Variants in KIAA1671 observed in about 807,000 individuals in gnomAD.
KIAA1671 encodes KIAA1671, also known as uncharacterized protein KIAA1671.
KIAA1671 carries 52 observed loss-of-function variants against 131.2 expected under a neutral mutation model. The ratio of observed to expected loss-of-function variants is 0.40; its 90% confidence interval spans 0.32 to 0.50. KIAA1671 has a LOEUF of 0.50. KIAA1671 is among the 20% of genes least tolerant of loss of function. The pLI, the probability that KIAA1671 is intolerant of heterozygous loss-of-function variation, is 0.73. For synonymous variants in KIAA1671, 1,003 were observed against 961.6 expected, an observed-to-expected ratio of 1.04 and a Z score of -0.80; for missense variants, 2,360 against 2,364.2, an observed-to-expected ratio of 1.00 and a Z score of 0.04.
At chr22:25,125,068 G>A (rs1331120436) in intron 6 of KIAA1671, among the ~76,000 whole-genome samples, 1 of 152,150 alleles carries the variant, frequency 6.6e-6, no homozygotes, top group African/African-American at 2.4e-5. Flanking sequence ...TGTTGGTTTC[G>A]TATTCATGCA....
intron 1 of KIAA1671, among the ~76,000 whole-genome samples, chr22:24,982,076 C>T (rs539712929): frequency 6.6e-6 from 1 of 152,356 alleles, no homozygotes; most frequent in Admixed American, 6.5e-5. Context: ...CCCCCAAGCT[C>T]TGTCATCCAC....
intron 6 of KIAA1671, among the ~76,000 whole-genome samples, chr22:25,141,453 C>T (rs1932806238): frequency 6.6e-6 from 1 of 152,260 alleles, no homozygotes; most frequent in East Asian, 1.9e-4. Context: ...AGGATGGTCT[C>T]AATCTCCTGA....
At chr22:24,995,181 G>T (rs1924054805) in intron 1 of KIAA1671, among the ~76,000 whole-genome samples, 2 of 151,254 alleles carry the variant, frequency 1.3e-5, no homozygotes, top group Admixed American at 6.6e-5. Context: ...CTCCTGAGTA[G>T]CTGGGACTAC....
At chr22:25,178,980 G>GT (rs1194028739) in intron 9 of KIAA1671, among the ~76,000 whole-genome samples, 5 of 152,226 alleles carry the variant, frequency 3.3e-5, no homozygotes, top group Non-Finnish European at 5.9e-5. Flanking sequence ...ACAGCCCAGC[G>GT]TAAGGACCCG....
chr22:25,156,012 CTTTTTTTTTTTTT>C lies in KIAA1671; in HGVS notation c.4531-14793_4531-14781del, dbSNP rs57822676. On this transcript the variant is annotated intron_variant, in intron 6 of 12. Coordinates refer to ENST00000358431, the MANE Select transcript of KIAA1671 (RefSeq NM_001145206.2). ...TTTTGTGCATGTATGTGTGTATGTG[CTTTTTTTTTTTTT>C]TTTTTTTTTTTTTTGAGATGGAGTC... 4.0e-4 allele frequency among the ~76,000 whole-genome samples: 14 copies of C among 35,344 alleles called. 2 individuals carry two copies. The highest frequency in any genetic ancestry group is 3.2e-3 in the South Asian group (2 of 624). 23.2% of individuals were successfully genotyped at this position (35,344 alleles called of 152,430 possible). A position where few individuals can be genotyped will look rare whatever the true frequency, so the allele number is the denominator to read the frequency against.
intron 3 of KIAA1671, 64 bp from the exon 4 acceptor site, chr22:25,032,545 G>A: frequency 9.8e-7 from 1 of 1,018,132 alleles, no homozygotes; most frequent in South Asian, 1.5e-5. Context: ...TCCTGAGCTG[G>A]TGTGTGGGCT....
intron 6 of KIAA1671, chr22:25,051,483 A>G (rs1216946479): frequency 6.6e-6 from 1 of 152,274 alleles, no homozygotes; most frequent in African/African-American, 2.4e-5. Context: ...CACCCAGCAC[A>G]TAGTAAATTC....
At chr22:25,181,615 G>T (rs1039368781) in intron 9 of KIAA1671, 84 bp from the exon 10 acceptor site, 27 of 1,504,206 alleles carry the variant, frequency 1.8e-5, no homozygotes, top group Non-Finnish European at 2.3e-5. Context: ...CATTGCATGA[G>T]ATACTGTGTG....
chr22:25,168,024 T>C (rs1933703325), intron 6 of KIAA1671, among the ~76,000 whole-genome samples: 1 of 152,134 alleles, frequency 6.6e-6, no homozygotes, highest in Non-Finnish European at 1.5e-5. Context: ...CACAGCAGGC[T>C]TTTCCCCAGG....
intron 6 of KIAA1671, among the ~76,000 whole-genome samples, chr22:25,158,648 C>T (rs1264379496): frequency 1.3e-5 from 2 of 152,052 alleles, no homozygotes; most frequent in South Asian, 2.1e-4. Flanking sequence ...CTGCAGTGGG[C>T]GTTGGTAGAG....
At chr22:25,125,583 G>A (rs764424704) in intron 6 of KIAA1671, among the ~76,000 whole-genome samples, 3 of 152,098 alleles carry the variant, frequency 2.0e-5, no homozygotes, top group African/African-American at 7.2e-5. Flanking sequence ...ATTGACGTTC[G>A]GGGCTGGATA....
In KIAA1671 at chr22:25,029,324, G is replaced by A; in HGVS notation, c.1325G>A (p.Ser442Asn). ...AGGAGGAGTGTCAGGAAGTGCATCA[G>A]CCTGTTTCGGGAGGACAGCACCTTG... ...ASRRSVRKCI[S>N]LFREDSTLAL... The change falls in exon 3 of 13, where the codon AGC becomes AAC. Residue 442 changes from serine (S) to asparagine (N), a missense_variant. Around this residue, in one of 3 missense-constraint regions of KIAA1671, gnomAD observed 1,185 missense variants for 1,126.2 expected, o/e 1.05. Transcript: ENST00000358431. 3 of 1,545,162 alleles carry A rather than the reference G, an allele frequency of 1.9e-6. No homozygotes were observed. The highest frequency in any genetic ancestry group is 2.6e-6 in the Non-Finnish European group (3 of 1,143,318).
Position 25,101,793 on chromosome 22 carries a change from T to G in KIAA1671, c.4530+52429T>G, listed in dbSNP as rs183369195. 5.9e-5 allele frequency among the ~76,000 whole-genome samples: 9 copies of G among 152,280 alleles called. No individual in the cohort carries two copies. The East Asian group carries it at 1.7e-3, about 29-fold the overall frequency. The stretch of plus-strand genomic sequence containing the variant: ...CACAGTGGGTACGATGAGAGCCTCT[T>G]CAGGATGTTGAGTGTCAAGGGTGGA... On this transcript the variant is annotated intron_variant, in intron 6 of 12. Coordinates refer to ENST00000358431, the MANE Select transcript of KIAA1671 (RefSeq NM_001145206.2).
intron 6 of KIAA1671, among the ~76,000 whole-genome samples, chr22:25,098,632 G>A (rs1406772107): frequency 2.9e-5 from 4 of 139,460 alleles, no homozygotes; most frequent in East Asian, 2.0e-4. Context: ...TGGAGGGGGC[G>A]GGGGGGGGTT....
chr22:25,076,837 T>C (rs1929132797), intron 6 of KIAA1671, among the ~76,000 whole-genome samples: 1 of 152,214 alleles, frequency 6.6e-6, no homozygotes, highest in Non-Finnish European at 1.5e-5. Flanking sequence ...GAGCCTGTAC[T>C]AAACGCCTTT....
At position 25,160,586 on chromosome 22, in the gene KIAA1671, C is replaced by A. The variant is rs955519694; in HGVS notation, c.4531-10234C>A. ...CTTGCACCAACCCCAGAGATGACCG[C>A]AAGGCCTTCCTGCCCCACTGAGTAG... On this transcript the variant is annotated intron_variant, in intron 6 of 12. Transcript: ENST00000358431. 4.6e-5 allele frequency among the ~76,000 whole-genome samples: 7 copies of A among 152,174 alleles called. No individual in the cohort carries two copies. In the East Asian group the frequency reaches 7.7e-4, roughly 17 times the overall value.
At chr22:25,094,498 G>C (rs1423224029) in intron 6 of KIAA1671, among the ~76,000 whole-genome samples, 1 of 152,138 alleles carries the variant, frequency 6.6e-6, no homozygotes, top group African/African-American at 2.4e-5. Flanking sequence ...TAAAAGGTGA[G>C]AGTGAGAACA....
chr22:25,000,809 C>A (rs376130630), intron 1 of KIAA1671, among the ~76,000 whole-genome samples: 1 of 144,470 alleles, frequency 6.9e-6, no homozygotes, highest in Non-Finnish European at 1.5e-5. Context: ...TGAGCCACTG[C>A]ACCTGGCTTT....
chr22:25,107,015 G>GC (rs1308261542), intron 6 of KIAA1671, among the ~76,000 whole-genome samples: 1 of 152,022 alleles, frequency 6.6e-6, no homozygotes, highest in African/African-American at 2.4e-5. Context: ...TGGACACAGT[G>GC]CCCCCCCACC....
Sources: allele counts gnomAD v4.1 joint callset (sites outside exome capture counted in the v4.1 genomes callset), GRCh38; gene constraint gnomAD v4.1.1; regional missense constraint gnomAD v4.1.1; transcripts MANE v1.5; gene names NCBI Gene and HGNC (gene_info 2026-07-23, HGNC 2026-07-21).